The following ZFP14 variants were observed in gnomAD, a reference collection of about 807,000 sequenced individuals.
The protein encoded by ZFP14 is zinc finger protein 14 homolog.
Under a neutral mutation model 54.5 loss-of-function variants are expected in ZFP14, and 22 were observed. That is an observed-to-expected ratio of 0.40 (90% CI 0.29 to 0.58). The LOEUF (loss-of-function observed/expected upper bound fraction) is 0.58. ZFP14 is among the 20% of genes least tolerant of loss of function. The probability of loss-of-function intolerance (pLI) is 0.39; values close to 1 mark genes in which losing one functional copy is unlikely to be tolerated. For missense variants in ZFP14, 470 were observed against 637.8 expected (o/e 0.74, Z 2.83); for synonymous variants, 159 against 204.0 (o/e 0.78, Z 1.88).
At chr19:36,368,048 AC>A in intron 1 of ZFP14, 77 bp from the exon 2 acceptor site, 2 of 815,860 alleles carry the variant, frequency 2.5e-6, no homozygotes, top group Non-Finnish European at 3.6e-6. Context: ...AAATATGAAA[AC>A]TTTTTTCTCT....
In ZFP14 at chr19:36,336,043, C is replaced by T. The variant is rs1256863568; in HGVS notation, c.*4181G>A. 6.6e-6 allele frequency: 1 copy of T among 151,634 alleles called. No individual in the cohort carries two copies. Among genetic ancestry groups the T allele is most frequent in the Non-Finnish European group, 1.5e-5 (1 of 67,912 alleles). 9.4% of individuals were successfully genotyped at this position (151,634 alleles called of 1,614,324 possible). A position where few individuals can be genotyped will look rare whatever the true frequency, so the allele number is the denominator to read the frequency against. ...AGCCACTGTGCCCGGCCTAGTTTTG[C>T]CTTATAATTTTAAAAATCTGCTTGA... On this transcript the variant is annotated 3_prime_UTR_variant, in exon 5 of 5. Coordinates refer to ENST00000270001, the MANE Select transcript of ZFP14 (RefSeq NM_020917.3).
chr19:36,363,932 G>T (rs1319678166), intron 2 of ZFP14, among the ~76,000 whole-genome samples: 2 of 151,926 alleles, frequency 1.3e-5, no homozygotes, highest in Non-Finnish European at 2.9e-5. Context: ...GGAGGTTGCA[G>T]TGAGCTGAGA....
chr19:36,340,723 T>TA lies in ZFP14; in HGVS notation c.1102dup (p.Tyr368LeufsTer4), dbSNP rs1350254620. On this transcript the variant is annotated frameshift_variant, in exon 5 of 5. Coordinates refer to ENST00000270001, the MANE Select transcript of ZFP14 (RefSeq NM_020917.3). LOFTEE classifies it high-confidence loss of function. The surrounding 1 kb of genome is among the most constrained non-coding windows in gnomAD (Gnocchi z 5.4). The stretch of plus-strand genomic sequence containing the variant: ...AGTCTTCCCACATTCCTTACATTCG[T>TA]AGGGTTTCTCACCAGTATGAATACT... 1 of 1,613,960 alleles carries TA rather than the reference T, an allele frequency of 6.2e-7. No homozygotes were observed. The highest frequency in any genetic ancestry group is 1.3e-5 in the African/African-American group (1 of 74,920).
intron 4 of ZFP14, among the ~76,000 whole-genome samples, chr19:36,351,504 A>G: frequency 7.0e-6 from 1 of 142,026 alleles, no homozygotes. Flanking sequence ...ATATCACAAA[A>G]AGAAAAAAAA....
In ZFP14 at chr19:36,344,608, C is replaced by A. The variant is rs114280252; in HGVS notation, c.236-3018G>T. Among the ~76,000 whole-genome samples, 1,290 of 152,244 alleles carry A rather than the reference C, an allele frequency of 8.5e-3. 22 individuals carry two copies. The highest frequency in any genetic ancestry group is 0.03 in the African/African-American group (1,232 of 41,542). On this transcript the variant is annotated intron_variant, in intron 4 of 4. Transcript: ENST00000270001. ...AGACCAGTCCATGGTCTGTTGGGAA[C>A]CGGGCTGCACAGCAGAAGGTGAGCA...
rs2031303651 is a variant in ZFP14 at position 36,341,102 on chromosome 19, C to A, written c.724G>T (p.Glu242Ter). The stretch of plus-strand genomic sequence containing the variant: ...TGAAGTCTCTGATGTTGAGTAAGTT[C>A]TTGGAGCACTGTAAAGGCCTTCCCA... Reference protein sequence around the residue: ...ECGKAFTVLQELTQHQRLHTG... With the variant: ...ECGKAFTVLQ Residue 242 changes from glutamate (E) to a stop codon, truncating the protein, a stop_gained, in exon 5 of 5, where the codon GAA becomes TAA. Transcript: ENST00000270001. LOFTEE classifies it high-confidence loss of function. This position sits in a 1 kb window ranked among gnomAD's most constrained non-coding sequence, Gnocchi z 4.2. 6.2e-7 allele frequency: 1 copy of A among 1,612,484 alleles called. No homozygotes were observed. The highest frequency in any genetic ancestry group is 1.3e-5 in the African/African-American group (1 of 74,490).
intron 4 of ZFP14, among the ~76,000 whole-genome samples, chr19:36,357,239 C>T (rs1026579508): frequency 2.6e-5 from 4 of 152,164 alleles, no homozygotes; most frequent in African/African-American, 7.2e-5. Flanking sequence ...GATCAGGTTT[C>T]GCCATGTTGG....
chr19:36,345,313 A>G (rs771552330), intron 4 of ZFP14, among the ~76,000 whole-genome samples: 27 of 152,170 alleles, frequency 1.8e-4, no homozygotes, highest in Non-Finnish European at 2.6e-4. Context: ...GTGTGGTCCT[A>G]TCCATTCCCA....
chr19:36,346,800 C>G (rs886518925), intron 4 of ZFP14, among the ~76,000 whole-genome samples: 1 of 152,162 alleles, frequency 6.6e-6, no homozygotes, highest in African/African-American at 2.4e-5. Context: ...GCACTACCTA[C>G]CTTTGTTCTG....
intron 2 of ZFP14, 67 bp downstream of exon 2, chr19:36,367,817 A>G: frequency 6.5e-7 from 1 of 1,549,884 alleles, no homozygotes; most frequent in Non-Finnish European, 8.8e-7. Context: ...CAGAATAAAG[A>G]ATGAATCTAT....
chr19:36,367,504 G>A (rs1271859890), intron 2 of ZFP14, among the ~76,000 whole-genome samples: 1 of 151,504 alleles, frequency 6.6e-6, no homozygotes, highest in East Asian at 1.9e-4. Flanking sequence ...TTTTTGAGAT[G>A]GTGTCTTGCT....
Position 36,340,990 on chromosome 19 carries a change from G to C in ZFP14, c.836C>G (p.Thr279Ser). 6.2e-7 allele frequency: 1 copy of C among 1,614,154 alleles called. No homozygotes were observed. Among genetic ancestry groups the C allele is most frequent in the South Asian group, 1.1e-5 (1 of 91,078 alleles). Residue 279 changes from threonine to serine, a missense_variant, in exon 5 of 5, where the codon ACT (threonine) becomes AGT (serine). Coordinates refer to ENST00000270001, the MANE Select transcript of ZFP14 (RefSeq NM_020917.3). This position sits in a 1 kb window ranked among gnomAD's most constrained non-coding sequence, Gnocchi z 5.4. ...CTTACATTCATAGGGTTTCTCACCA[G>C]TGTGAATTCTCTGATGTCGAGCCAG... ...QQLARHQRIH[T>S]GEKPYECKDC...
chr19:36,374,802 G>A (rs978727417), intron 1 of ZFP14, among the ~76,000 whole-genome samples: 8 of 152,044 alleles, frequency 5.3e-5, no homozygotes, highest in African/African-American at 1.4e-4. Flanking sequence ...CCAGCAACAC[G>A]CACCACCACA....
intron 4 of ZFP14, chr19:36,360,163 A>ATT (rs2031686309): frequency 4.1e-6 from 1 of 245,056 alleles, no homozygotes; most frequent in Non-Finnish European, 7.7e-6. Context: ...ATATTTATTT[A>ATT]TTTTTTCTTC....
At chr19:36,347,953 G>A (rs1170010684) in intron 4 of ZFP14, among the ~76,000 whole-genome samples, 1 of 152,104 alleles carries the variant, frequency 6.6e-6, no homozygotes, top group African/African-American at 2.4e-5. Context: ...AGCTACTCGG[G>A]AGGCTGAGGC....
At chr19:36,345,209 G>C (rs2031392694) in intron 4 of ZFP14, among the ~76,000 whole-genome samples, 1 of 152,204 alleles carries the variant, frequency 6.6e-6, no homozygotes, top group African/African-American at 2.4e-5. Flanking sequence ...GTTGGGGTGA[G>C]CCAAGATTGT....
At chr19:36,365,050 C>CTGT (rs1287853809) in intron 2 of ZFP14, among the ~76,000 whole-genome samples, 2 of 105,840 alleles carry the variant, frequency 1.9e-5, no homozygotes, top group Admixed American at 3.1e-4. Flanking sequence ...GTTGCCCAGG[C>CTGT]TGTTGCCTAG....
At chr19:36,353,096 G>A (rs1395630252) in intron 4 of ZFP14, among the ~76,000 whole-genome samples, 1 of 139,870 alleles carries the variant, frequency 7.1e-6, no homozygotes, top group Non-Finnish European at 1.6e-5. Flanking sequence ...ACCCTATCTC[G>A]AAGAAAAAAA....
At chr19:36,358,727 T>C (rs2031662088) in intron 4 of ZFP14, among the ~76,000 whole-genome samples, 1 of 152,188 alleles carries the variant, frequency 6.6e-6, no homozygotes, top group African/African-American at 2.4e-5. Flanking sequence ...TTTTTACATC[T>C]ATGAAGATGA....
Sources: gnomAD v4.1 joint callset for allele counts (sites outside exome capture counted in the v4.1 genomes callset) on GRCh38, gnomAD v4.1.1 for gene constraint, Gnocchi (gnomAD v3.1) non-coding constraint, MANE v1.5 for transcripts, NCBI Gene and HGNC (gene_info 2026-07-23, HGNC 2026-07-21) for gene names.